The following CFAP61 variants were observed in gnomAD, a reference collection of about 807,000 sequenced individuals.
The protein encoded by CFAP61 is cilia- and flagella-associated protein 61.
CFAP61 carries 107 observed loss-of-function variants against 135.6 expected under a neutral mutation model. The ratio of observed to expected loss-of-function variants is 0.79; its 90% confidence interval spans 0.67 to 0.93. The LOEUF (loss-of-function observed/expected upper bound fraction) is 0.93, where lower values mean the gene tolerates loss of function less well. Among genes scored for constraint, CFAP61 ranks in the 40% least tolerant of loss-of-function variants. The pLI, the probability that CFAP61 is intolerant of heterozygous loss-of-function variation, is 0.00. For synonymous variants in CFAP61, 575 were observed against 578.5 expected (o/e 0.99, Z 0.09); for missense variants, 1,507 against 1,556.2 (o/e 0.97, Z 0.53).
At chr20:20,097,567 G>T (rs969352293) in intron 7 of CFAP61, among the ~76,000 whole-genome samples, 2 of 152,142 alleles carry the variant, frequency 1.3e-5, no homozygotes, top group Non-Finnish European at 2.9e-5. Flanking sequence ...TAATGTTTTG[G>T]TACCAATCAG....
At chr20:20,240,893 G>C (rs1305386991) in intron 18 of CFAP61, among the ~76,000 whole-genome samples, 1 of 152,142 alleles carries the variant, frequency 6.6e-6, no homozygotes, top group Non-Finnish European at 1.5e-5. Flanking sequence ...CCTGTAATGT[G>C]GCTGTGATGG....
At chr20:20,187,811 T>C (rs1331789364) in intron 13 of CFAP61, 119 bp from the exon 14 acceptor site, 1 of 769,700 alleles carries the variant, frequency 1.3e-6, no homozygotes, top group East Asian at 2.6e-5. Flanking sequence ...CAGTGTTATA[T>C]AAACATACTT....
chr20:20,339,274 T>C (rs117150862), intron 25 of CFAP61, among the ~76,000 whole-genome samples: 3,753 of 152,200 alleles, frequency 0.025, 71 homozygotes, highest in Non-Finnish European at 0.038. Flanking sequence ...ACAATATTCA[T>C]GGAAATACAA....
intron 13 of CFAP61, among the ~76,000 whole-genome samples, chr20:20,181,893 A>G (rs2055127589): frequency 6.6e-6 from 1 of 152,200 alleles, no homozygotes; most frequent in Admixed American, 6.5e-5. Flanking sequence ...CTTCCTGGCT[A>G]TAGGCCATGG....
chr20:20,074,665 G>T (rs1023031600), intron 4 of CFAP61, among the ~76,000 whole-genome samples: 1 of 152,182 alleles, frequency 6.6e-6, no homozygotes, highest in Non-Finnish European at 1.5e-5. Context: ...AGTGTCGCAA[G>T]CTTGGACATT....
chr20:20,077,181 A>G (rs2046113980), intron 6 of CFAP61, among the ~76,000 whole-genome samples: 1 of 152,172 alleles, frequency 6.6e-6, no homozygotes, highest in Admixed American at 6.5e-5. Flanking sequence ...TCCACCAGTT[A>G]ATGTTGTTTA....
At position 20,164,254 on chromosome 20, in the gene CFAP61, G is replaced by A. The variant is rs756043956; in HGVS notation, c.1205+26G>A. 3 of 1,579,646 alleles carry A rather than the reference G, an allele frequency of 1.9e-6. No homozygotes were observed. In the South Asian group the frequency reaches 3.4e-5, roughly 18 times the overall value. On this transcript the variant is annotated intron_variant, in intron 11 of 26. Coordinates refer to ENST00000245957, the MANE Select transcript of CFAP61 (RefSeq NM_015585.4). ...GCAAGTACTGACCTTCTGGCTGGCTGTCACAGTGAGAATCTTTTCTGGCAT... is the reference window on the plus strand; with the variant it reads ...GCAAGTACTGACCTTCTGGCTGGCTATCACAGTGAGAATCTTTTCTGGCAT...
At chr20:20,057,269 A>G (rs574897726) in intron 2 of CFAP61, among the ~76,000 whole-genome samples, 1 of 152,336 alleles carries the variant, frequency 6.6e-6, no homozygotes, top group African/African-American at 2.4e-5. Context: ...TCTGGGAACA[A>G]CAAATTCCTA....
At chr20:20,228,133 G>C (rs561003212) in intron 17 of CFAP61, 116 bp from the exon 18 acceptor site, 1 of 806,506 alleles carries the variant, frequency 1.2e-6, no homozygotes, top group South Asian at 2.5e-5. Context: ...GGCACTATTA[G>C]GTTTGTTTTG....
At chr20:20,218,793 T>C (rs1261824201) in intron 17 of CFAP61, among the ~76,000 whole-genome samples, 1 of 152,224 alleles carries the variant, frequency 6.6e-6, no homozygotes, top group Non-Finnish European at 1.5e-5. Context: ...AAATTGAAAT[T>C]GTTGAATTAA....
chr20:20,350,423 G>A (rs1005983155), intron 26 of CFAP61, among the ~76,000 whole-genome samples: 42 of 152,340 alleles, frequency 2.8e-4, no homozygotes, highest in African/African-American at 9.1e-4. Context: ...GAGGTCAGGA[G>A]TTCAAGACCA....
rs74869037 is a variant in CFAP61 at position 20,212,085 on chromosome 20, G to A, written c.1932+12183G>A. ...TTTTGATTTGTTTGCAGACAACATC[G>A]ATCCCCACACACTGGGTCTTTGGTC... On this transcript the variant is annotated intron_variant, in intron 17 of 26. Transcript: ENST00000245957. Among the ~76,000 whole-genome samples, 835 of 152,270 alleles carry A rather than the reference G, an allele frequency of 5.5e-3. 10 individuals carry two copies. Among genetic ancestry groups the A allele is most frequent in the African/African-American group, 0.018 (741 of 41,548 alleles).
intron 13 of CFAP61, among the ~76,000 whole-genome samples, chr20:20,173,931 T>C (rs984048557): frequency 2.0e-5 from 3 of 152,184 alleles, no homozygotes; most frequent in Non-Finnish European, 2.9e-5. Flanking sequence ...CATATTCTTT[T>C]CTTTCACACT....
chr20:20,058,023 C>T (rs147446142), intron 2 of CFAP61, among the ~76,000 whole-genome samples: 13 of 152,242 alleles, frequency 8.5e-5, no homozygotes, highest in East Asian at 1.9e-4. Context: ...CTACTGTGCT[C>T]GACCCTGTTC....
intron 8 of CFAP61, among the ~76,000 whole-genome samples, chr20:20,106,972 T>C (rs951207308): frequency 6.6e-6 from 1 of 152,224 alleles, no homozygotes; most frequent in Admixed American, 6.5e-5. Context: ...AACACGGTGA[T>C]AGGGGTGATT....
intron 8 of CFAP61, among the ~76,000 whole-genome samples, chr20:20,116,895 T>TA (rs1451377598): frequency 6.6e-6 from 1 of 152,204 alleles, no homozygotes; most frequent in Non-Finnish European, 1.5e-5. Context: ...GCTGAAGTGA[T>TA]ATATAGGTAT....
chr20:20,053,699 A>C (rs898577433), intron 1 of CFAP61, among the ~76,000 whole-genome samples: 1 of 152,204 alleles, frequency 6.6e-6, no homozygotes, highest in Admixed American at 6.5e-5. Flanking sequence ...ATTTGCCATA[A>C]CTCTTTATTA....
At chr20:20,101,639 T>G (rs1041948965) in intron 8 of CFAP61, among the ~76,000 whole-genome samples, 6 of 63,406 alleles carry the variant, frequency 9.5e-5, no homozygotes, top group Admixed American at 2.0e-4. Context: ...ATTGTTATTT[T>G]TTTGAGATGA....
chr20:20,347,144 A>G (rs2122410468), intron 26 of CFAP61, among the ~76,000 whole-genome samples: 2 of 152,362 alleles, frequency 1.3e-5, no homozygotes, highest in South Asian at 4.1e-4. Flanking sequence ...ACACATTCTT[A>G]AGCAACCAGT....
Sources: allele counts gnomAD v4.1 joint callset (sites outside exome capture counted in the v4.1 genomes callset), GRCh38; gene constraint gnomAD v4.1.1; transcripts MANE v1.5; gene names NCBI Gene and HGNC (gene_info 2026-07-23, HGNC 2026-07-21).